The following OPCML variants were observed in gnomAD, a reference collection of about 807,000 sequenced individuals.
OPCML encodes opioid-binding protein/cell adhesion molecule.
Under a neutral mutation model 37.8 loss-of-function variants are expected in OPCML, and 13 were observed. The observed-to-expected ratio is 0.34, with a 90% CI of 0.22 to 0.55. OPCML has a LOEUF of 0.55. OPCML is among the 20% of genes least tolerant of loss of function. The pLI, the probability that OPCML is intolerant of heterozygous loss-of-function variation, is 0.91. For synonymous variants in OPCML, 176 were observed against 168.8 expected (o/e 1.04, Z -0.33); for missense variants, 341 against 435.6 (o/e 0.78, Z 1.93).
intron 2 of OPCML, among the ~76,000 whole-genome samples, chr11:132,763,492 A>C (rs766738047): frequency 9.8e-5 from 15 of 152,296 alleles, no homozygotes; most frequent in Admixed American, 7.2e-4. Flanking sequence ...TCTTTCCACT[A>C]TGCGTTGTGG....
At chr11:132,535,707 C>T (rs1734395298) in intron 3 of OPCML, among the ~76,000 whole-genome samples, 1 of 152,130 alleles carries the variant, frequency 6.6e-6, no homozygotes, top group Non-Finnish European at 1.5e-5. Flanking sequence ...ACAGCACTGG[C>T]CTTGGGGTCA....
chr11:132,491,186 C>T (rs1349566801), intron 4 of OPCML, among the ~76,000 whole-genome samples: 1 of 152,246 alleles, frequency 6.6e-6, no homozygotes, highest in Non-Finnish European at 1.5e-5. Context: ...ACTTGTTCCC[C>T]TCGGTGTGCT....
chr11:132,938,010 G>A (rs535234186), intron 2 of OPCML, among the ~76,000 whole-genome samples: 1 of 151,990 alleles, frequency 6.6e-6, no homozygotes, highest in Admixed American at 6.5e-5. Flanking sequence ...GAATCCAAAA[G>A]TCCCTCAGGC....
At chr11:132,985,005 G>A (rs1946660496) in intron 1 of OPCML, among the ~76,000 whole-genome samples, 1 of 151,994 alleles carries the variant, frequency 6.6e-6, no homozygotes, top group Non-Finnish European at 1.5e-5. Context: ...ACATTAAGAA[G>A]GCTGTTTATT....
chr11:133,346,842 G>GTGTTT (rs977865303), intron 1 of OPCML, among the ~76,000 whole-genome samples: 8 of 152,258 alleles, frequency 5.3e-5, no homozygotes, highest in Admixed American at 4.6e-4. Context: ...ATGTGTGTGT[G>GTGTTT]TGTTTTGTTT....
At chr11:133,516,791 C>T (rs1948285140) in intron 1 of OPCML, among the ~76,000 whole-genome samples, 1 of 152,186 alleles carries the variant, frequency 6.6e-6, no homozygotes. Flanking sequence ...TTTCTTCTCG[C>T]AAAGACTGTT....
At chr11:132,703,980 A>G (rs1943935924) in intron 2 of OPCML, among the ~76,000 whole-genome samples, 1 of 152,148 alleles carries the variant, frequency 6.6e-6, no homozygotes, top group Non-Finnish European at 1.5e-5. Context: ...ACCATGGTGG[A>G]TGACTTGGAA....
chr11:133,393,082 A>G (rs1034988540), intron 1 of OPCML, among the ~76,000 whole-genome samples: 16 of 147,994 alleles, frequency 1.1e-4, no homozygotes, highest in Admixed American at 2.7e-4. Flanking sequence ...TTCACGGTTT[A>G]AAACAGCCCC....
chr11:132,511,654 G>A (rs576789506), intron 4 of OPCML, among the ~76,000 whole-genome samples: 2 of 95,344 alleles, frequency 2.1e-5, no homozygotes, highest in African/African-American at 7.0e-5. Flanking sequence ...TTAGAAAAAG[G>A]ATTATGTTTT....
At chr11:133,051,452 T>C (rs1052931248) in intron 1 of OPCML, among the ~76,000 whole-genome samples, 4 of 152,172 alleles carry the variant, frequency 2.6e-5, no homozygotes, top group African/African-American at 9.7e-5. Context: ...CACCCCTTCC[T>C]GTTCAGGGTA....
chr11:132,789,526 C>T (rs1000603347), intron 2 of OPCML, among the ~76,000 whole-genome samples: 4 of 152,172 alleles, frequency 2.6e-5, no homozygotes, highest in African/African-American at 9.7e-5. Flanking sequence ...TAGATACTGA[C>T]ATCAGCAGGG....
chr11:132,939,702 GATGGCTTAATAGAC>G (rs1213728380), intron 2 of OPCML, among the ~76,000 whole-genome samples: 1 of 152,210 alleles, frequency 6.6e-6, no homozygotes, highest in Non-Finnish European at 1.5e-5. Flanking sequence ...ATTCTGCTGA[GATGGCTTAATAGAC>G]ACCAGCTGAC....
chr11:132,852,306 TC>T (rs1941845823), intron 2 of OPCML, among the ~76,000 whole-genome samples: 1 of 152,144 alleles, frequency 6.6e-6, no homozygotes, highest in African/African-American at 2.4e-5. Context: ...CCGTTTGATC[TC>T]ATTTATGTCA....
At chr11:133,418,451 G>C in intron 1 of OPCML, 1 of 985,348 alleles carries the variant, frequency 1.0e-6, no homozygotes, top group Non-Finnish European at 1.2e-6. Flanking sequence ...AAATGACTTT[G>C]GTGTTTCTAG....
intron 2 of OPCML, among the ~76,000 whole-genome samples, chr11:132,736,386 A>T (rs893497994): frequency 1.3e-5 from 2 of 152,128 alleles, no homozygotes; most frequent in African/African-American, 4.8e-5. Flanking sequence ...GTGCTTTGGG[A>T]GGGGGTAAGT....
intron 1 of OPCML, among the ~76,000 whole-genome samples, chr11:133,117,114 T>A (rs76596169): frequency 0.051 from 7,734 of 152,210 alleles, 295 homozygotes; most frequent in South Asian, 0.17. Context: ...TTTAAAAAAA[T>A]TTTTAATACT....
intron 7 of OPCML, among the ~76,000 whole-genome samples, chr11:132,428,671 G>A (rs1256840081): frequency 6.6e-6 from 1 of 152,148 alleles, no homozygotes; most frequent in African/African-American, 2.4e-5. Flanking sequence ...GACAGACCTA[G>A]GTACAAAACC....
intron 2 of OPCML, among the ~76,000 whole-genome samples, chr11:132,807,957 G>T (rs1256861533): frequency 6.6e-6 from 1 of 152,130 alleles, no homozygotes; most frequent in Non-Finnish European, 1.5e-5. Flanking sequence ...TACAATGAAA[G>T]AAATCACGTA....
At chr11:132,676,534 A>G (rs1162889720) in intron 2 of OPCML, among the ~76,000 whole-genome samples, 2 of 151,994 alleles carry the variant, frequency 1.3e-5, no homozygotes, top group African/African-American at 4.8e-5. Context: ...CCAATTATAT[A>G]TCTGATAAGT....
Sources: allele counts gnomAD v4.1 joint callset (sites outside exome capture counted in the v4.1 genomes callset), GRCh38; gene constraint gnomAD v4.1.1; transcripts MANE v1.5; gene names NCBI Gene and HGNC (gene_info 2026-07-23, HGNC 2026-07-21).